HGS: variants seen among roughly 807,000 people sequenced by gnomAD.
HGS encodes hepatocyte growth factor-regulated tyrosine kinase substrate.
Under a neutral mutation model 109.7 loss-of-function variants are expected in HGS, and 63 were observed. The observed-to-expected ratio is 0.57, with a 90% CI of 0.47 to 0.71. The LOEUF is 0.71. HGS is among the 30% of genes least tolerant of loss of function. The pLI is 0.00. For missense variants in HGS, 995 were observed against 1,068.3 expected (o/e 0.93, Z 0.96); for synonymous variants, 546 against 437.3 (o/e 1.25, Z -3.10).
chr17:81,686,427 T>C, intron 3 of HGS, 40 bp downstream of exon 3: 1 of 1,428,254 alleles, frequency 7.0e-7, no homozygotes, highest in South Asian at 1.1e-5. Context: ...CCAGGGTCCC[T>C]ACCCCCTACT....
In HGS at chr17:81,696,404, CG is replaced by C. The variant is rs1555699517; in HGVS notation, c.1447del (p.Ala483ArgfsTer2). ...QDKLAQIRDA[R>X]GALSALREEH... is the part of the protein sequence containing the mutation. ...CAAGCTGGCACAGATCCGCGATGCC[CG>C]GGGGGCGCTGAGTGCCCTGCGCGAA... On this transcript the variant is annotated frameshift_variant, in exon 16 of 22. Coordinates refer to ENST00000329138, the MANE Select transcript of HGS (RefSeq NM_004712.5). LOFTEE classifies it high-confidence loss of function. 9.5e-6 allele frequency: 15 copies of C among 1,584,984 alleles called. No individual in the cohort carries two copies. Among genetic ancestry groups the C allele is most frequent in the Middle Eastern group, 2.0e-4 (1 of 5,030 alleles).
intron 14 of HGS, chr17:81,695,546 C>T (rs921124530): frequency 8.3e-6 from 5 of 601,500 alleles, no homozygotes; most frequent in East Asian, 2.8e-5. Flanking sequence ...GCACAGGTCC[C>T]TGGAGAGGGA....
intron 10 of HGS, 59 bp downstream of exon 10, chr17:81,693,811 G>A (rs561199538): frequency 2.7e-5 from 42 of 1,553,606 alleles, no homozygotes; most frequent in South Asian, 4.7e-5. Flanking sequence ...GATGTGCTGC[G>A]GTGGGGCCGG....
intron 4 of HGS, among the ~76,000 whole-genome samples, 163 bp downstream of exon 4, chr17:81,687,258 G>C (rs1031030800): frequency 6.6e-6 from 1 of 152,230 alleles, no homozygotes. Context: ...ATGAGTCGGA[G>C]AGACAGGGCC....
intron 14 of HGS, 152 bp from the exon 15 acceptor site, chr17:81,695,634 G>T (rs1216980644): frequency 2.9e-6 from 2 of 687,990 alleles, no homozygotes; most frequent in Non-Finnish European, 4.9e-6. Context: ...CCAGGGCCTC[G>T]CCTTCCTCAG....
chr17:81,687,194 C>G lies in HGS; in HGVS notation c.291+99C>G, dbSNP rs761998622. 25 of 805,374 alleles carry G rather than the reference C, an allele frequency of 3.1e-5. No individual in the cohort carries two copies. In the African/African-American group the frequency reaches 3.4e-4, roughly 11 times the overall value. 49.9% of individuals were successfully genotyped at this position (805,374 alleles called of 1,614,324 possible). A position where few individuals can be genotyped will look rare whatever the true frequency, so the allele number is the denominator to read the frequency against. On this transcript the variant is annotated intron_variant, in intron 4 of 21. Transcript: ENST00000329138. ...GATGACAGAACAGCACCAGGTGTGGCGGAAAATGTGCAGGTGCAGATCGGT... is the reference window on the plus strand; with the variant it reads ...GATGACAGAACAGCACCAGGTGTGGGGGAAAATGTGCAGGTGCAGATCGGT...
chr17:81,701,154 C>G, intron 21 of HGS, 23 bp downstream of exon 21: 1 of 1,597,400 alleles, frequency 6.3e-7, no homozygotes, highest in East Asian at 2.2e-5. Context: ...CGGGGCCTCA[C>G]AGCGGCACCC....
rs148054575 is a variant in HGS at position 81,695,920 on chromosome 17, C to T, written c.1314C>T (p.Ala438=). ...GCCGCAGCATCACCAATGACTCGGC[C>T]GTGCTCTCACTCTTCCAGTCCATCA... is the stretch of plus-strand genomic sequence containing the variant. The part of the protein sequence containing the change: ...MRGRSITNDS[A]VLSLFQSING... Residue 438 remains alanine (A), a synonymous_variant, in exon 15 of 22, where the codon GCC becomes GCT. Transcript: ENST00000329138. 13,038 of 1,604,368 alleles carry T rather than the reference C, an allele frequency of 8.1e-3. 65 individuals are homozygous for T. Among genetic ancestry groups the T allele is most frequent in the Non-Finnish European group, 0.01 (11,939 of 1,174,012 alleles).
rs369780544 is a variant in HGS, at chr17:81,696,026, G to A, written c.1393+27G>A. On this transcript the variant is annotated intron_variant, in intron 15 of 21. Coordinates refer to ENST00000329138, the MANE Select transcript of HGS (RefSeq NM_004712.5). The stretch of plus-strand genomic sequence containing the variant: ...TAGGTGCCCGCGCCACGGGGCCTCG[G>A]CTCAGGGGCAGCCAGGTGTTGTGAG... 2.2e-5 allele frequency: 34 copies of A among 1,522,652 alleles called. No homozygotes were observed. In the African/African-American group the frequency reaches 4.3e-4, roughly 19 times the overall value. The allele number at this position is 1,522,652 out of a possible 1,614,324, so 94.3% of individuals were successfully genotyped here.
At position 81,694,809 on chromosome 17, in the gene HGS, C is replaced by T; in HGVS notation, c.937-6C>T. 2 of 1,614,244 alleles carry T rather than the reference C, an allele frequency of 1.2e-6. No individual in the cohort carries two copies. Among genetic ancestry groups the T allele is most frequent in the Non-Finnish European group, 8.5e-7 (1 of 1,180,030 alleles). On this transcript the variant is annotated splice_region_variant and splice_polypyrimidine_tract_variant and intron_variant, in intron 11 of 21. Transcript: ENST00000329138. Reference sequence around the variant, plus strand: ...CTGTGAGACTCAGATGCCCTTTTCTCCCCAGAACTCGTCGGCGCCTCTGGC... The same window carrying T: ...CTGTGAGACTCAGATGCCCTTTTCTTCCCAGAACTCGTCGGCGCCTCTGGC...
rs1256610124 is a variant in HGS, at chr17:81,696,805, C to T, written c.1708-19C>T. The T allele has an allele frequency of 2.5e-6, 4 of 1,603,648 alleles. No homozygotes were observed. Among genetic ancestry groups the T allele is most frequent in the Non-Finnish European group, 3.4e-6 (4 of 1,173,336 alleles). On this transcript the variant is annotated intron_variant, in intron 17 of 21. Transcript: ENST00000329138. ...GTGGGCTGAGGACCAACTCTCACCG[C>T]TGTCTCTTTTGTCCCCAGCTCCAGG...
At chr17:81,688,180 C>T (rs2037009538) in intron 4 of HGS, among the ~76,000 whole-genome samples, 1 of 152,210 alleles carries the variant, frequency 6.6e-6, no homozygotes, top group Admixed American at 6.5e-5. Flanking sequence ...CCGAGAGGGC[C>T]GTAGACGCGA....
chr17:81,699,953 T>C (rs943892938), intron 18 of HGS, among the ~76,000 whole-genome samples: 1 of 151,950 alleles, frequency 6.6e-6, no homozygotes, highest in Admixed American at 6.6e-5. Context: ...TGCACGCCTG[T>C]AATCCCAGCT....
rs768456386 is a variant in HGS at position 81,693,652 on chromosome 17, A to G, written c.742-2A>G. The G allele has an allele frequency of 1.2e-4, 192 of 1,540,218 alleles. 1 individual carries two copies. The Admixed American group carries it at 2.8e-3, about 23-fold the overall frequency. ...CCCCTCACCCTCCCCGCTTGTCCTC[A>G]GCTGCCCCCCAAGAGGGACGAGACG... On this transcript the variant is annotated splice_acceptor_variant, in intron 9 of 21. Coordinates refer to ENST00000329138, the MANE Select transcript of HGS (RefSeq NM_004712.5). LOFTEE classifies it high-confidence loss of function.
In HGS at chr17:81,687,011, A is replaced by G. The variant is rs1450861135; in HGVS notation, c.207A>G (p.Glu69=). The change falls in exon 4 of 22, where the codon GAA becomes GAG. Residue 69 remains glutamate (E), a synonymous_variant. Transcript: ENST00000329138. ...HVALYALEVM[E]SVVKNCGQTV... is the part of the protein sequence containing the mutation. ...TTCCTGGGCATCTGCAGGTCATGGA[A>G]TCTGTGGTAAAGAACTGTGGCCAGA... is the stretch of plus-strand genomic sequence containing the variant. 2.5e-6 allele frequency: 4 copies of G among 1,612,612 alleles called. No individual in the cohort carries two copies. In the South Asian group the frequency reaches 3.3e-5, roughly 13 times the overall value.
At chr17:81,696,045 T>G (rs1417375592) in intron 15 of HGS, 46 bp downstream of exon 15, 3 of 1,479,476 alleles carry the variant, frequency 2.0e-6, no homozygotes, top group East Asian at 2.3e-5. Context: ...CAGCCAGGTG[T>G]TGTGAGCGCC....
At chr17:81,701,285 G>A (rs575346414) in intron 21 of HGS, 154 bp downstream of exon 21, 46 of 805,020 alleles carry the variant, frequency 5.7e-5, no homozygotes, top group African/African-American at 5.6e-4. Flanking sequence ...CAGACAGAAC[G>A]AGGACACAAG....
intron 1 of HGS, among the ~76,000 whole-genome samples, chr17:81,685,328 G>A (rs759342893): frequency 3.3e-5 from 5 of 152,188 alleles, no homozygotes; most frequent in Admixed American, 1.3e-4. Flanking sequence ...TCACGGCAGT[G>A]CCCTCGCCTC....
In HGS at chr17:81,693,593, C is replaced by T. The variant is rs1336928470; in HGVS notation, c.741+12C>T. ...CTCAGCAGTCCCAGGTACTCAGCCC[C>T]CTCCGTCCCGTGGGCACCTCTTCCC... On this transcript the variant is annotated intron_variant, in intron 9 of 21. Coordinates refer to ENST00000329138, the MANE Select transcript of HGS (RefSeq NM_004712.5). The T allele has an allele frequency of 1.3e-6, 2 of 1,579,314 alleles. No homozygotes were observed. Among genetic ancestry groups the T allele is most frequent in the Non-Finnish European group, 1.7e-6 (2 of 1,155,236 alleles).
Sources: allele counts gnomAD v4.1 joint callset (sites outside exome capture counted in the v4.1 genomes callset), GRCh38; gene constraint gnomAD v4.1.1; transcripts MANE v1.5; gene names NCBI Gene and HGNC (gene_info 2026-07-23, HGNC 2026-07-21).